Variants in NGF observed in about 807,000 individuals in gnomAD.
NGF encodes nerve growth factor.
In NGF, 4 loss-of-function variants were observed where a neutral mutation model predicts 12.8. The ratio of observed to expected loss-of-function variants is 0.31; its 90% CI spans 0.15 to 0.72. The LOEUF (loss-of-function observed/expected upper bound fraction) is 0.72. Ranked by LOEUF, NGF falls within the 30% of genes least tolerant of loss-of-function variation. NGF has a pLI of 0.69. For missense variants in NGF, 283 were observed against 330.8 expected (o/e 0.86, Z 1.12); for synonymous variants, 140 against 130.0 (o/e 1.08, Z -0.52).
At chr1:115,331,422 C>A (rs532862923) in intron 1 of NGF, among the ~76,000 whole-genome samples, 2 of 152,282 alleles carry the variant, frequency 1.3e-5, no homozygotes, top group Non-Finnish European at 2.9e-5. Context: ...CAGACCTGTC[C>A]CTCTTGGAGG....
At chr1:115,297,212 A>T (rs1653900136) in intron 1 of NGF, among the ~76,000 whole-genome samples, 1 of 152,346 alleles carries the variant, frequency 6.6e-6, no homozygotes, top group East Asian at 1.9e-4. Context: ...TCTGCGGTTT[A>T]ACCAGCTCTG....
intron 2 of NGF, among the ~76,000 whole-genome samples, chr1:115,287,336 C>G (rs1337459396): frequency 2.6e-5 from 4 of 152,134 alleles, no homozygotes; most frequent in African/African-American, 9.7e-5. Flanking sequence ...TCAGACAGTG[C>G]ACTGGGTCAG....
intron 1 of NGF, among the ~76,000 whole-genome samples, chr1:115,318,952 C>T (rs1389151585): frequency 6.6e-6 from 1 of 152,162 alleles, no homozygotes. Context: ...TACAGCAGGG[C>T]TATGGACAGA....
chr1:115,287,153 A>C (rs1464365900), intron 2 of NGF, among the ~76,000 whole-genome samples: 1 of 152,138 alleles, frequency 6.6e-6, no homozygotes, highest in Non-Finnish European at 1.5e-5. Flanking sequence ...GGGAGGTGGT[A>C]AGTGTCCATG....
intron 1 of NGF, among the ~76,000 whole-genome samples, chr1:115,319,628 T>C (rs1443587734): frequency 6.6e-6 from 1 of 152,200 alleles, no homozygotes; most frequent in Non-Finnish European, 1.5e-5. Flanking sequence ...TTTTTAAAAC[T>C]TGACAAAATC....
chr1:115,303,473 C>G (rs1654101130), intron 1 of NGF, among the ~76,000 whole-genome samples: 3 of 151,832 alleles, frequency 2.0e-5, no homozygotes, highest in Admixed American at 2.0e-4. Flanking sequence ...TTCTCCATCA[C>G]CATCATCACC....
chr1:115,321,923 GAGGACGCAGTC>G (rs1295182931), intron 1 of NGF, among the ~76,000 whole-genome samples: 2 of 152,182 alleles, frequency 1.3e-5, no homozygotes, highest in Non-Finnish European at 2.9e-5. Flanking sequence ...TGCACACAGT[GAGGACGCAGTC>G]ATACTTGCTG....
intron 1 of NGF, among the ~76,000 whole-genome samples, chr1:115,314,930 A>G (rs1369452221): frequency 1.3e-5 from 2 of 152,220 alleles, no homozygotes; most frequent in African/African-American, 4.8e-5. Context: ...TAGTTTGGTC[A>G]GGAAAGGTCT....
At chr1:115,337,477 A>T (rs1423073720) in intron 1 of NGF, among the ~76,000 whole-genome samples, 3 of 151,574 alleles carry the variant, frequency 2.0e-5, no homozygotes, top group Non-Finnish European at 4.4e-5. Flanking sequence ...GGCAGCAGAC[A>T]GCTGGAGATG....
At chr1:115,322,091 C>A (rs991219650) in intron 1 of NGF, among the ~76,000 whole-genome samples, 1 of 152,168 alleles carries the variant, frequency 6.6e-6, no homozygotes, top group Non-Finnish European at 1.5e-5. Context: ...AGTTTTGGTA[C>A]CTTTGATCAT....
At chr1:115,287,269 G>A (rs1464387805) in intron 2 of NGF, among the ~76,000 whole-genome samples, 1 of 152,178 alleles carries the variant, frequency 6.6e-6, no homozygotes, top group African/African-American at 2.4e-5. Context: ...CTCTGGGAAG[G>A]CACGGGGAAG....
intron 1 of NGF, among the ~76,000 whole-genome samples, chr1:115,315,541 G>A (rs529055945): frequency 9.2e-5 from 14 of 152,148 alleles, no homozygotes; most frequent in Non-Finnish European, 2.1e-4. Flanking sequence ...GGAGAACACT[G>A]AAGGAGGAAC....
intron 1 of NGF, among the ~76,000 whole-genome samples, chr1:115,332,196 C>A (rs983115677): frequency 6.6e-6 from 1 of 152,192 alleles, no homozygotes; most frequent in African/African-American, 2.4e-5. Context: ...TCAAGAAATG[C>A]CTTATTTAGA....
intron 1 of NGF, among the ~76,000 whole-genome samples, chr1:115,301,739 G>A (rs1362872821): frequency 1.3e-5 from 2 of 152,190 alleles, no homozygotes; most frequent in African/African-American, 4.8e-5. Flanking sequence ...AAACTGAAAC[G>A]TTTGTTTTTG....
At chr1:115,337,502 A>G (rs370780808) in intron 1 of NGF, among the ~76,000 whole-genome samples, 27 of 151,374 alleles carry the variant, frequency 1.8e-4, no homozygotes, top group African/African-American at 6.0e-4. Flanking sequence ...GTGTGACCCA[A>G]GTGGCAGGGC....
At chr1:115,286,948 G>A in intron 2 of NGF, 141 bp from the exon 3 acceptor site, 1 of 1,057,826 alleles carries the variant, frequency 9.5e-7, no homozygotes, top group Non-Finnish European at 1.4e-6. Context: ...AGAGGGAAAG[G>A]GTGTGCTAGC....
Position 115,295,823 on chromosome 1 carries a change from G to A in NGF, c.-136-2073C>T, listed in dbSNP as rs1653850372. ...GTGCTTTCTCTCATCCCAAAATTGG[G>A]ATTCATTTATTTCATTAATTAAACA... On this transcript the variant is annotated intron_variant, in intron 1 of 2. Transcript: ENST00000369512. Among the ~76,000 whole-genome samples, 2 of 152,012 alleles carry A rather than the reference G, an allele frequency of 1.3e-5. 1 individual carries two copies. Among genetic ancestry groups the A allele is most frequent in the South Asian group, 4.2e-4 (2 of 4,816 alleles).
intron 2 of NGF, among the ~76,000 whole-genome samples, chr1:115,292,728 G>A (rs1197553991): frequency 6.6e-6 from 1 of 152,142 alleles, no homozygotes; most frequent in Non-Finnish European, 1.5e-5. Context: ...CCCCAACATC[G>A]AAATGAAAAT....
chr1:115,289,986 A>T (rs1653632525), intron 2 of NGF, among the ~76,000 whole-genome samples: 1 of 151,804 alleles, frequency 6.6e-6, no homozygotes, highest in Non-Finnish European at 1.5e-5. Flanking sequence ...CTGGACCCTC[A>T]TCTCTCTTCT....
Sources: allele counts gnomAD v4.1 joint callset (sites outside exome capture counted in the v4.1 genomes callset), GRCh38; gene constraint gnomAD v4.1.1; transcripts MANE v1.5; gene names NCBI Gene and HGNC (gene_info 2026-07-23, HGNC 2026-07-21).